The following TENM4 variants were observed in gnomAD, a reference collection of about 807,000 sequenced individuals.
TENM4 encodes the protein teneurin-4.
TENM4 carries 82 observed loss-of-function variants against 243.3 expected under a neutral mutation model. The ratio of observed to expected loss-of-function variants is 0.34; its 90% CI spans 0.28 to 0.40. The LOEUF (loss-of-function observed/expected upper bound fraction) is 0.40. TENM4 is among the 10% of genes least tolerant of loss of function. The pLI is 1.00. For synonymous variants in TENM4, 1,412 were observed against 1,456.3 expected, an observed-to-expected ratio of 0.97 and a Z score of 0.69; for missense variants, 3,138 against 3,673.3, an observed-to-expected ratio of 0.85 and a Z score of 3.77.
chr11:79,218,710 T>G (rs1299244234), intron 2 of TENM4, among the ~76,000 whole-genome samples: 1 of 152,178 alleles, frequency 6.6e-6, no homozygotes, highest in Non-Finnish European at 1.5e-5. Flanking sequence ...GTTTATTTCC[T>G]TTTCAAATCC....
At chr11:78,981,009 T>C (rs965217009) in intron 6 of TENM4, among the ~76,000 whole-genome samples, 1 of 152,146 alleles carries the variant, frequency 6.6e-6, no homozygotes, top group African/African-American at 2.4e-5. Context: ...TGTGACTGAT[T>C]TCCAAATCTA....
At chr11:78,903,072 C>A (rs1855967703) in intron 7 of TENM4, among the ~76,000 whole-genome samples, 196 bp downstream of exon 7, 1 of 152,200 alleles carries the variant, frequency 6.6e-6, no homozygotes, top group Admixed American at 6.5e-5. Context: ...AGCAGGCTAG[C>A]ACTGGACCTT....
At chr11:79,180,719 C>T (rs779538914) in intron 3 of TENM4, among the ~76,000 whole-genome samples, 1 of 151,228 alleles carries the variant, frequency 6.6e-6, no homozygotes, top group Non-Finnish European at 1.5e-5. Flanking sequence ...TGGTGTGCAC[C>T]TGTAATTTCA....
At chr11:78,723,112 C>T (rs1371113132) in intron 23 of TENM4, among the ~76,000 whole-genome samples, 195 bp from the exon 24 acceptor site, 2 of 152,224 alleles carry the variant, frequency 1.3e-5, no homozygotes, top group African/African-American at 2.4e-5. Flanking sequence ...AGATTTAATT[C>T]ACTCCATAGC....
At chr11:79,154,922 C>T (rs976195557) in intron 3 of TENM4, among the ~76,000 whole-genome samples, 1 of 152,150 alleles carries the variant, frequency 6.6e-6, no homozygotes, top group African/African-American at 2.4e-5. Flanking sequence ...CTGCTCTGGA[C>T]CAGGGCAGGG....
At chr11:79,187,865 G>T (rs140084535) in intron 3 of TENM4, among the ~76,000 whole-genome samples, 1 of 152,226 alleles carries the variant, frequency 6.6e-6, no homozygotes, top group South Asian at 2.1e-4. Context: ...AACCCTGCAG[G>T]CACCTTGATT....
chr11:79,049,428 T>C (rs1369458), intron 6 of TENM4, among the ~76,000 whole-genome samples: 20,098 of 152,198 alleles, frequency 0.13, 1,466 homozygotes, highest in African/African-American at 0.18. Context: ...AAGGCCGTCC[T>C]GAGAAGTATA....
At chr11:79,245,871 C>T (rs776293023) in intron 2 of TENM4, among the ~76,000 whole-genome samples, 1 of 136,254 alleles carries the variant, frequency 7.3e-6, no homozygotes, top group East Asian at 2.3e-4. Flanking sequence ...ACCAGGGAAG[C>T]GGAGTTTGCA....
chr11:78,954,805 G>A (rs1351027438), intron 6 of TENM4, among the ~76,000 whole-genome samples: 6 of 152,240 alleles, frequency 3.9e-5, no homozygotes, highest in African/African-American at 9.6e-5. Context: ...TGGGCACACC[G>A]CTGTGGCACA....
intron 25 of TENM4, among the ~76,000 whole-genome samples, chr11:78,714,484 T>C (rs1444889617): frequency 7.1e-6 from 1 of 141,008 alleles, no homozygotes; most frequent in East Asian, 1.9e-4. Context: ...CCTTCCTCTT[T>C]AATCCTTCTC....
chr11:79,095,278 C>T (rs886088159), intron 4 of TENM4, among the ~76,000 whole-genome samples: 7 of 152,184 alleles, frequency 4.6e-5, no homozygotes, highest in South Asian at 2.1e-4. Flanking sequence ...GCAGGTGCCT[C>T]GCCCAGGTGG....
intron 1 of TENM4, among the ~76,000 whole-genome samples, chr11:79,309,802 G>A (rs1410700482): frequency 6.6e-6 from 1 of 152,162 alleles, no homozygotes; most frequent in Non-Finnish European, 1.5e-5. Context: ...ATTTCTTATA[G>A]CATCGGTTTC....
At chr11:78,785,985 C>A (rs1490612050) in intron 16 of TENM4, among the ~76,000 whole-genome samples, 7 of 151,218 alleles carry the variant, frequency 4.6e-5, no homozygotes, top group East Asian at 1.9e-4. Context: ...AAAAAAAAAA[C>A]CAAAAAACAA....
At chr11:78,880,423 CT>C (rs1387918694) in intron 9 of TENM4, among the ~76,000 whole-genome samples, 2 of 146,912 alleles carry the variant, frequency 1.4e-5, no homozygotes, top group Non-Finnish European at 3.0e-5. Flanking sequence ...ACATCCCCCT[CT>C]CTGAGAAACA....
At position 78,671,983 on chromosome 11, in the gene TENM4, A is replaced by T. The variant is rs773525978; in HGVS notation, c.5793+50T>A. On this transcript the variant is annotated intron_variant, in intron 31 of 33. Transcript: ENST00000278550. ...ACCAGGCTGGGCTTGGCCGTGAATG[A>T]TTGGCCTTCTGTATGGCAAGGCCAG... 4 of 1,567,148 alleles carry T rather than the reference A, an allele frequency of 2.6e-6. No homozygotes were observed. The Admixed American group carries it at 7.1e-5, about 28-fold the overall frequency.
intron 31 of TENM4, among the ~76,000 whole-genome samples, chr11:78,670,820 T>C (rs1858305396): frequency 6.6e-6 from 1 of 152,202 alleles, no homozygotes; most frequent in Non-Finnish European, 1.5e-5. Flanking sequence ...ACCTGGGGCC[T>C]AGGCCTCCAG....
At chr11:79,278,817 C>T (rs570017480) in intron 2 of TENM4, among the ~76,000 whole-genome samples, 27 of 152,078 alleles carry the variant, frequency 1.8e-4, no homozygotes, top group Non-Finnish European at 2.9e-5. Flanking sequence ...GACAGACAAG[C>T]GCAATGACAC....
At chr11:78,687,913 A>T in intron 29 of TENM4, 141 bp downstream of exon 29, 1 of 964,012 alleles carries the variant, frequency 1.0e-6, no homozygotes, top group Non-Finnish European at 1.5e-6. Context: ...ATATTTTGCA[A>T]ATTAGGTGAT....
chr11:78,765,854 C>G (rs78289651), intron 18 of TENM4, among the ~76,000 whole-genome samples: 8 of 152,042 alleles, frequency 5.3e-5, no homozygotes, highest in Non-Finnish European at 1.0e-4. Flanking sequence ...CCTTTATGTA[C>G]GTTTGGATTC....
Sources: allele counts gnomAD v4.1 joint callset (sites outside exome capture counted in the v4.1 genomes callset), GRCh38; gene constraint gnomAD v4.1.1; transcripts MANE v1.5; gene names NCBI Gene and HGNC (gene_info 2026-07-23, HGNC 2026-07-21).